COBL: variants seen among roughly 807,000 people sequenced by gnomAD.
COBL encodes the protein protein cordon-bleu.
A neutral mutation model predicts 98.8 loss-of-function variants in COBL; 51 were observed. The observed-to-expected ratio is 0.52, with a 90% CI of 0.41 to 0.65. The LOEUF (loss-of-function observed/expected upper bound fraction) is 0.65. COBL is among the 30% of genes least tolerant of loss of function. The probability of loss-of-function intolerance (pLI) is 0.00; values close to 1 mark genes in which losing one functional copy is unlikely to be tolerated. For missense variants in COBL, 1,617 were observed against 1,617.5 expected, an observed-to-expected ratio of 1.00 and a Z score of 0.01; for synonymous variants, 634 against 651.7, an observed-to-expected ratio of 0.97 and a Z score of 0.41.
intron 1 of COBL, among the ~76,000 whole-genome samples, chr7:51,286,159 A>G (rs1800340912): frequency 1.3e-5 from 2 of 152,116 alleles, no homozygotes; most frequent in Admixed American, 6.6e-5. Context: ...TTCAGAAGAA[A>G]CATCCAAGAA....
chr7:51,171,627 G>GT (rs1446454424), intron 5 of COBL, among the ~76,000 whole-genome samples: 18 of 151,780 alleles, frequency 1.2e-4, no homozygotes, highest in African/African-American at 4.4e-4. Flanking sequence ...GTCAATAGTT[G>GT]TAATATATTT....
chr7:51,187,071 T>C (rs1464350573), intron 4 of COBL, among the ~76,000 whole-genome samples: 2 of 151,990 alleles, frequency 1.3e-5, no homozygotes, highest in Admixed American at 6.6e-5. Context: ...TGCAAGAAAG[T>C]TTTACTTTCT....
intron 1 of COBL, among the ~76,000 whole-genome samples, chr7:51,258,907 A>T (rs1797438649): frequency 6.6e-6 from 1 of 152,108 alleles, no homozygotes; most frequent in South Asian, 2.1e-4. Flanking sequence ...CTAATGTCCT[A>T]ATCAGGCATT....
At chr7:51,117,214 T>C (rs913912449) in intron 6 of COBL, among the ~76,000 whole-genome samples, 12 of 152,016 alleles carry the variant, frequency 7.9e-5, no homozygotes, top group African/African-American at 2.7e-4. Context: ...TATTTTGATT[T>C]GGATTCACCA....
chr7:51,024,988 C>T (rs1468206803), intron 12 of COBL, 121 bp downstream of exon 12: 27 of 1,366,402 alleles, frequency 2.0e-5, no homozygotes, highest in East Asian at 1.8e-4. Context: ...CCGGCTCTCT[C>T]TCAACCCACT....
intron 5 of COBL, among the ~76,000 whole-genome samples, chr7:51,166,897 TC>T (rs1021869246): frequency 2.5e-4 from 38 of 152,134 alleles, no homozygotes; most frequent in African/African-American, 8.9e-4. Flanking sequence ...TTGATAACAT[TC>T]AACATCCCTT....
chr7:51,238,264 T>C (rs559493486), intron 1 of COBL, among the ~76,000 whole-genome samples: 1 of 152,308 alleles, frequency 6.6e-6, no homozygotes, highest in Admixed American at 6.5e-5. Flanking sequence ...CTGAGTACCT[T>C]AGAGAACAAC....
rs141529027 is a variant in COBL, at chr7:51,193,395, G to A, written c.440C>T (p.Pro147Leu). 119 of 1,614,116 alleles carry A rather than the reference G, an allele frequency of 7.4e-5. No homozygotes were observed. The African/African-American group carries it at 1.5e-3, about 20-fold the overall frequency. Reference protein sequence around the residue: ...KVPEEKVKPGPPKVPEKSVRL... With the variant: ...KVPEEKVKPGLPKVPEKSVRL... ...CCTACTAACCTCAGGCACCTTAGGG[G>A]GACCAGGCTTAACCTTCTCTTCAGG... Residue 147 changes from proline (P) to leucine (L), a missense_variant, in exon 3 of 13, where the codon CCC becomes CTC. By Grantham distance (98) the Pro-to-Leu change is moderately conservative (BLOSUM62 -3). Coordinates refer to ENST00000265136, the MANE Select transcript of COBL (RefSeq NM_015198.5).
chr7:51,206,585 C>T (rs900730276), intron 2 of COBL, among the ~76,000 whole-genome samples: 3 of 151,878 alleles, frequency 2.0e-5, no homozygotes, highest in African/African-American at 7.3e-5. Flanking sequence ...GTATCTATTG[C>T]AGCAGTATTC....
chr7:51,233,782 A>T (rs1041925663), intron 1 of COBL, among the ~76,000 whole-genome samples: 1 of 152,202 alleles, frequency 6.6e-6, no homozygotes, highest in Admixed American at 6.5e-5. Context: ...CAGGATGTGC[A>T]CATGCCAATG....
chr7:51,268,706 T>G (rs920985392), intron 1 of COBL, among the ~76,000 whole-genome samples: 2 of 151,744 alleles, frequency 1.3e-5, no homozygotes, highest in African/African-American at 4.8e-5. Context: ...CCAAGGTAGG[T>G]GGATCACAAG....
intron 5 of COBL, among the ~76,000 whole-genome samples, chr7:51,144,074 T>C (rs541222277): frequency 2.0e-5 from 3 of 152,314 alleles, no homozygotes; most frequent in South Asian, 4.1e-4. Flanking sequence ...ACATCAGCAT[T>C]GCTGGGACTG....
intron 1 of COBL, among the ~76,000 whole-genome samples, chr7:51,227,962 T>C (rs533375374): frequency 1.1e-3 from 172 of 152,260 alleles, no homozygotes; most frequent in Non-Finnish European, 2.1e-3. Context: ...GCCCACAGAA[T>C]TGTGGCATAA....
At chr7:51,203,319 G>A (rs1470528928) in intron 2 of COBL, among the ~76,000 whole-genome samples, 9 of 127,424 alleles carry the variant, frequency 7.1e-5, no homozygotes, top group African/African-American at 1.0e-4. Flanking sequence ...AAAATTAGCC[G>A]GGTGTAGTGG....
intron 7 of COBL, among the ~76,000 whole-genome samples, chr7:51,082,619 A>C (rs571677231): frequency 5.3e-5 from 8 of 152,164 alleles, no homozygotes; most frequent in African/African-American, 1.9e-4. Flanking sequence ...CGCTGGCGAC[A>C]GAGTTCCACA....
Position 51,073,271 on chromosome 7 carries a change from A to G in COBL, c.1096+11895T>C, listed in dbSNP as rs552652886. On this transcript the variant is annotated intron_variant, in intron 7 of 12. Coordinates refer to ENST00000265136, the MANE Select transcript of COBL (RefSeq NM_015198.5). ...CCCTTTTATCCTGAAAGGAGGAAGAACAACAGGAAAATCAGAGCCAGGGCA... is the reference window on the plus strand; with the variant it reads ...CCCTTTTATCCTGAAAGGAGGAAGAGCAACAGGAAAATCAGAGCCAGGGCA... 3 of 623,380 alleles carry G rather than the reference A, an allele frequency of 4.8e-6. No homozygotes were observed. The East Asian group carries it at 8.4e-5, about 17-fold the overall frequency. 38.6% of individuals were successfully genotyped at this position (623,380 alleles called of 1,614,324 possible).
chr7:51,137,687 A>G (rs1799369889), intron 5 of COBL, among the ~76,000 whole-genome samples: 2 of 152,194 alleles, frequency 1.3e-5, no homozygotes, highest in African/African-American at 4.8e-5. Context: ...TCTCCCATTA[A>G]GATGTGAACT....
At chr7:51,027,633 G>A (rs186901173) in intron 10 of COBL, 79 bp downstream of exon 10, 17 of 1,218,938 alleles carry the variant, frequency 1.4e-5, no homozygotes, top group East Asian at 1.2e-4. Context: ...TCTCTCCTCC[G>A]CTTTATTCTG....
intron 5 of COBL, among the ~76,000 whole-genome samples, chr7:51,142,149 T>C (rs1799813071): frequency 6.6e-6 from 1 of 152,016 alleles, no homozygotes; most frequent in African/African-American, 2.4e-5. Flanking sequence ...GGAATCTCAT[T>C]TCTAGAGGGT....
Sources: gnomAD v4.1 joint callset for allele counts (sites outside exome capture counted in the v4.1 genomes callset) on GRCh38, gnomAD v4.1.1 for gene constraint, MANE v1.5 for transcripts, NCBI Gene and HGNC (gene_info 2026-07-23, HGNC 2026-07-21) for gene names.